KLHL12: variants seen among roughly 807,000 people sequenced by gnomAD.
KLHL12 encodes the protein kelch like family member 12, also known as kelch-like protein 12.
In KLHL12, 17 loss-of-function variants were observed where a neutral mutation model predicts 60.8. The observed-to-expected ratio is 0.28, with a 90% CI of 0.19 to 0.42. KLHL12 has a LOEUF of 0.42. Among genes scored for constraint, KLHL12 ranks in the 10% least tolerant of loss-of-function variants. KLHL12 has a pLI of 1.00. For missense variants in KLHL12, 468 were observed against 722.3 expected (o/e 0.65, Z 4.04); for synonymous variants, 220 against 250.9 (o/e 0.88, Z 1.16).
intron 4 of KLHL12, among the ~76,000 whole-genome samples, chr1:202,916,580 G>C (rs1660528096): frequency 6.6e-6 from 1 of 152,142 alleles, no homozygotes; most frequent in Non-Finnish European, 1.5e-5. Flanking sequence ...GAAGGTGAAG[G>C]TTACAGTGAG....
At chr1:202,897,752 T>C (rs1659886197) in intron 6 of KLHL12, among the ~76,000 whole-genome samples, 1 of 152,034 alleles carries the variant, frequency 6.6e-6, no homozygotes, top group Admixed American at 6.6e-5. Context: ...TTTTTCTGAA[T>C]TGAGAAAGGG....
chr1:202,926,902 A>G (rs1338787841), intron 1 of KLHL12, among the ~76,000 whole-genome samples, 187 bp downstream of exon 1: 1 of 152,176 alleles, frequency 6.6e-6, no homozygotes, highest in Non-Finnish European at 1.5e-5. Context: ...GGAGAGGGGC[A>G]GTTCAGGGGG....
Position 202,895,388 on chromosome 1 carries a change from T to C in KLHL12, c.1135+134A>G. The C allele has an allele frequency of 2.6e-6, 2 of 764,670 alleles. No homozygotes were observed. Among genetic ancestry groups the C allele is most frequent in the Non-Finnish European group, 2.1e-6 (1 of 476,278 alleles). The allele number at this position is 764,670 out of a possible 1,614,324, so 47.4% of individuals were successfully genotyped here. ...CAGCCTGGGCAACAGAGAGAGACCCTGTCTCAAATAATAATAACATTTGAC... is the reference window on the plus strand; with the variant it reads ...CAGCCTGGGCAACAGAGAGAGACCCCGTCTCAAATAATAATAACATTTGAC... On this transcript the variant is annotated intron_variant, in intron 8 of 11. Transcript: ENST00000367261. The surrounding 1 kb of genome is among the most constrained non-coding windows in gnomAD (Gnocchi z 4.2).
chr1:202,903,878 A>G (rs1051314101), intron 6 of KLHL12, among the ~76,000 whole-genome samples: 3 of 151,610 alleles, frequency 2.0e-5, no homozygotes, highest in African/African-American at 7.3e-5. Flanking sequence ...TCAGCCTCTC[A>G]AAGTGCTGGG....
chr1:202,906,022 T>C (rs1463825483), intron 6 of KLHL12, among the ~76,000 whole-genome samples: 1 of 137,342 alleles, frequency 7.3e-6, no homozygotes, highest in Non-Finnish European at 1.6e-5. Flanking sequence ...GGTTTCACCG[T>C]GTTAGCCTGG....
At chr1:202,915,422 T>A (rs1160512297) in intron 4 of KLHL12, among the ~76,000 whole-genome samples, 1 of 152,154 alleles carries the variant, frequency 6.6e-6, no homozygotes, top group African/African-American at 2.4e-5. Context: ...AAAATATATG[T>A]CACTTGCTTT....
At chr1:202,915,218 A>G (rs1337417982) in intron 4 of KLHL12, among the ~76,000 whole-genome samples, 1 of 152,210 alleles carries the variant, frequency 6.6e-6, no homozygotes, top group African/African-American at 2.4e-5. Flanking sequence ...GAAACTGAAA[A>G]TTAGTGGTTA....
intron 2 of KLHL12, among the ~76,000 whole-genome samples, chr1:202,920,193 A>G (rs774660269): frequency 1.5e-4 from 23 of 151,804 alleles, no homozygotes; most frequent in Non-Finnish European, 2.2e-4. Flanking sequence ...ACATGCCTGT[A>G]GTCCCAGCTA....
Position 202,925,137 on chromosome 1 carries a change from T to C in KLHL12, c.26A>G (p.Asp9Gly), listed in dbSNP as rs1653464269. 1.9e-6 allele frequency: 3 copies of C among 1,613,910 alleles called. No individual in the cohort carries two copies. Among genetic ancestry groups the C allele is most frequent in the Non-Finnish European group, 2.5e-6 (3 of 1,179,922 alleles). Reference sequence around the variant, plus strand: ...TTTAGCATGAGTATTTGTCATTATGTCTTTGGGGGCCATAATGCCTCCCAT... The same window carrying C: ...TTTAGCATGAGTATTTGTCATTATGCCTTTGGGGGCCATAATGCCTCCCAT... MGGIMAPKDIMTNTHAKSI... is the reference protein window; with the variant it reads MGGIMAPKGIMTNTHAKSI... The change falls in exon 2 of 12, where the codon GAC (aspartate) becomes GGC (glycine). Residue 9 changes from aspartate to glycine, a missense_variant. Around this residue, in one of 4 missense-constraint regions of KLHL12, gnomAD observed 61 missense variants for 59.9 expected, o/e 1.02. Coordinates refer to ENST00000367261, the MANE Select transcript of KLHL12 (RefSeq NM_021633.4).
chr1:202,907,386 G>T (rs1343122813), intron 6 of KLHL12, among the ~76,000 whole-genome samples: 2 of 151,918 alleles, frequency 1.3e-5, no homozygotes. Context: ...TGGATCAATT[G>T]CAGCCAGGAG....
chr1:202,911,060 A>G lies in KLHL12; in HGVS notation c.711T>C (p.Asp237=). The change falls in exon 5 of 12, where the codon GAT becomes GAC. Residue 237 remains aspartate, a synonymous_variant. Coordinates refer to ENST00000367261, the MANE Select transcript of KLHL12 (RefSeq NM_021633.4). The part of the protein sequence containing the change: ...LTPRYITDVI[D]AEPFIRCSLQ... ...AGAGTGTTGCACTACTTACCTCAGCATCTATTACATCTGTGATATACCTGG... is the reference window on the plus strand; with the variant it reads ...AGAGTGTTGCACTACTTACCTCAGCGTCTATTACATCTGTGATATACCTGG... 1 of 1,614,054 alleles carries G rather than the reference A, an allele frequency of 6.2e-7. No individual in the cohort carries two copies. Among genetic ancestry groups the G allele is most frequent in the Non-Finnish European group, 8.5e-7 (1 of 1,179,964 alleles).
intron 6 of KLHL12, among the ~76,000 whole-genome samples, chr1:202,901,424 T>G (rs1655238556): frequency 6.6e-6 from 1 of 150,384 alleles, no homozygotes; most frequent in African/African-American, 2.4e-5. Flanking sequence ...CCTGAGCAGC[T>G]GGGAGCACAG....
intron 2 of KLHL12, among the ~76,000 whole-genome samples, chr1:202,924,119 A>G (rs185108985): frequency 6.6e-6 from 1 of 152,368 alleles, no homozygotes; most frequent in African/African-American, 2.4e-5. Flanking sequence ...AACACAATAT[A>G]TTCAGCAGCC....
intron 4 of KLHL12, among the ~76,000 whole-genome samples, chr1:202,917,727 A>T (rs1660566170): frequency 1.3e-5 from 2 of 151,768 alleles, no homozygotes; most frequent in South Asian, 4.2e-4. Flanking sequence ...TCTTTATAAC[A>T]TTTTTTTTGT....
rs748178773 is a variant in KLHL12, at chr1:202,919,861, G to A, written c.243C>T (p.Ala81=). The A allele has an allele frequency of 1.9e-6, 3 of 1,613,664 alleles. No homozygotes were observed. Among genetic ancestry groups the A allele is most frequent in the East Asian group, 2.2e-5 (1 of 44,880 alleles). The change falls in exon 3 of 12, where the codon GCC becomes GCT. Residue 81 remains alanine, a synonymous_variant. Transcript: ENST00000367261. ...AGTCCAATAAAATTTCCATGGTAGA[G>A]GCAGTCAAACCTTGGATGTCAACAT... The part of the protein sequence containing the change: ...KPYVDIQGLT[A]STMEILLDFV...
intron 4 of KLHL12, among the ~76,000 whole-genome samples, chr1:202,915,387 A>C (rs1660492701): frequency 6.6e-6 from 1 of 152,096 alleles, no homozygotes; most frequent in Admixed American, 6.6e-5. Context: ...TCTGGTTCCT[A>C]TTTCTGGCTG....
chr1:202,906,455 C>CAAAAAAAA (rs59435824), intron 6 of KLHL12, among the ~76,000 whole-genome samples: 1 of 52,746 alleles, frequency 1.9e-5, no homozygotes, highest in African/African-American at 6.9e-5. Flanking sequence ...CGCTTCGTCT[C>CAAAAAAAA]AAAAAAAAAA....
chr1:202,918,249 A>T lies in KLHL12; in HGVS notation c.489T>A (p.Pro163=), dbSNP rs762103315. ...AAEVFSQKHF[P]EVVQHEEFIL... is the part of the protein sequence containing the mutation. ...TGAACTCTTCATGCTGTACCACTTC[A>T]GGAAAATGCTTCTGGCTAAAAACCT... The change falls in exon 4 of 12, where the codon CCT becomes CCA. Residue 163 remains proline, a synonymous_variant. Coordinates refer to ENST00000367261, the MANE Select transcript of KLHL12 (RefSeq NM_021633.4). 1.2e-6 allele frequency: 2 copies of T among 1,614,200 alleles called. No individual in the cohort carries two copies. The highest frequency in any genetic ancestry group is 2.2e-5 in the South Asian group (2 of 91,090).
intron 4 of KLHL12, chr1:202,912,497 G>A (rs1028848808): frequency 6.3e-6 from 6 of 952,078 alleles, no homozygotes; most frequent in Admixed American, 1.7e-5. Context: ...TGAGGATGGC[G>A]ATAATGGATT....
Sources: allele counts gnomAD v4.1 joint callset (sites outside exome capture counted in the v4.1 genomes callset), GRCh38; gene constraint gnomAD v4.1.1; regional missense constraint gnomAD v4.1.1; non-coding constraint Gnocchi (gnomAD v3.1); transcripts MANE v1.5; gene names NCBI Gene and HGNC (gene_info 2026-07-23, HGNC 2026-07-21).